Variants in ICE1 observed in about 807,000 individuals in gnomAD.
The protein encoded by ICE1 is little elongation complex subunit 1.
In ICE1, 64 loss-of-function variants were observed where a neutral mutation model predicts 192.7. The ratio of observed to expected loss-of-function variants is 0.33; its 90% CI spans 0.27 to 0.41. The LOEUF (loss-of-function observed/expected upper bound fraction) is 0.41, where lower values mean the gene tolerates loss of function less well. Among genes scored for constraint, ICE1 ranks in the 10% least tolerant of loss-of-function variants. The pLI is 1.00. For missense variants in ICE1, 2,708 were observed against 2,696.0 expected (o/e 1.00, Z -0.10); for synonymous variants, 1,010 against 984.5 (o/e 1.03, Z -0.49).
chr5:5,432,292 C>G (rs545248398), intron 1 of ICE1, among the ~76,000 whole-genome samples: 1 of 152,306 alleles, frequency 6.6e-6, no homozygotes, highest in South Asian at 2.1e-4. Flanking sequence ...TACACGTGGA[C>G]TTTTGTAACT....
intron 1 of ICE1, among the ~76,000 whole-genome samples, chr5:5,427,740 CA>C (rs1475089253): frequency 4.6e-5 from 7 of 152,130 alleles, no homozygotes; most frequent in African/African-American, 1.7e-4. Context: ...ATTCATTTGC[CA>C]AACACATTTA....
At position 5,464,186 on chromosome 5, in the gene ICE1, C is replaced by T. The variant is rs564226315; in HGVS notation, c.4852C>T (p.Pro1618Ser). 1.3e-5 allele frequency: 21 copies of T among 1,613,714 alleles called. No homozygotes were observed. Among genetic ancestry groups the T allele is most frequent in the African/African-American group, 9.3e-5 (7 of 74,964 alleles). ...TACATCCACTCCTACAGATTGTTCT[C>T]CTGACACACTGAGTAAAATACGGCA... is the stretch of plus-strand genomic sequence containing the variant. The part of the protein sequence containing the change: ...ADTSTPTDCS[P>S]DTLSKIRQEV... The change falls in exon 13 of 19, where the codon CCT becomes TCT. Residue 1618 changes from proline (P) to serine (S), a missense_variant. Pro to Ser is a moderately conservative substitution (Grantham distance 74, BLOSUM62 -1). This residue lies in a region of ICE1 where 2,366 missense variants were observed against 2,276.6 expected (regional missense o/e 1.04). Coordinates refer to ENST00000296564, the MANE Select transcript of ICE1 (RefSeq NM_015325.3). The surrounding 1 kb of genome is among the most constrained non-coding windows in gnomAD (Gnocchi z 4.0).
In ICE1 at chr5:5,461,163, CAGA is replaced by C. The variant is rs767049640; in HGVS notation, c.1833_1835del (p.Glu611del). 3.1e-6 allele frequency: 5 copies of C among 1,613,978 alleles called. No homozygotes were observed. Among genetic ancestry groups the C allele is most frequent in the Non-Finnish European group, 4.2e-6 (5 of 1,179,872 alleles). On this transcript the variant is annotated inframe_deletion, in exon 13 of 19. Coordinates refer to ENST00000296564, the MANE Select transcript of ICE1 (RefSeq NM_015325.3). Reference sequence around the variant, plus strand: ...TTCACTTTAGGAGAATCACCTGAATCAGAAGATGATGACTCAGGTGATGGAATG... The same window carrying C: ...TTCACTTTAGGAGAATCACCTGAATCAGATGATGACTCAGGTGATGGAATG...
chr5:5,442,590 A>C (rs1738082465), intron 5 of ICE1, among the ~76,000 whole-genome samples: 1 of 152,148 alleles, frequency 6.6e-6, no homozygotes, highest in African/African-American at 2.4e-5. Context: ...ATCCTGTCAA[A>C]CCCTGAGATT....
At chr5:5,440,902 CAAAAAGAAAGAAAA>C (rs1738027662) in intron 4 of ICE1, among the ~76,000 whole-genome samples, 196 bp from the exon 5 acceptor site, 1 of 138,606 alleles carries the variant, frequency 7.2e-6, no homozygotes, top group African/African-American at 2.7e-5. Flanking sequence ...CCCTGACTAA[CAAAAAGAAAGAAAA>C]GAAAAAAAAA....
At position 5,463,702 on chromosome 5, in the gene ICE1, G is replaced by A; in HGVS notation, c.4368G>A (p.Glu1456=). Residue 1456 remains glutamate (E), a synonymous_variant, in exon 13 of 19, where the codon GAG becomes GAA. Coordinates refer to ENST00000296564, the MANE Select transcript of ICE1 (RefSeq NM_015325.3). ...GDIPISQDQG[E]LEAGCIPVTS... is the part of the protein sequence containing the mutation. ...TCCCTATTTCTCAGGATCAAGGAGA[G>A]CTGGAAGCTGGTTGCATCCCAGTGA... is the stretch of plus-strand genomic sequence containing the variant. 1 of 1,613,884 alleles carries A rather than the reference G, an allele frequency of 6.2e-7. No homozygotes were observed. The highest frequency in any genetic ancestry group is 8.5e-7 in the Non-Finnish European group (1 of 1,179,860).
At chr5:5,470,119 C>T (rs149875159) in intron 15 of ICE1, among the ~76,000 whole-genome samples, 1 of 152,118 alleles carries the variant, frequency 6.6e-6, no homozygotes, top group African/African-American at 2.4e-5. Flanking sequence ...CATTACCTGC[C>T]CCAAGAGAGT....
At chr5:5,439,993 T>C in intron 4 of ICE1, 80 bp downstream of exon 4, 1 of 971,730 alleles carries the variant, frequency 1.0e-6, no homozygotes, top group Non-Finnish European at 1.5e-6. Context: ...GGAGCAGATT[T>C]TTAAGCAGCT....
Position 5,461,833 on chromosome 5 carries a change from C to G in ICE1, c.2499C>G (p.Pro833=), listed in dbSNP as rs1211832274. Residue 833 remains proline (P), a synonymous_variant, in exon 13 of 19, where the codon CCC becomes CCG. Transcript: ENST00000296564. ...TCCTACAAAATAGAGGACCAACACC[C>G]AAGCCTGATCTTCTTAGAGAAAATA... is the stretch of plus-strand genomic sequence containing the variant. ...MPFLQNRGPT[P]KPDLLRENNN... is the part of the protein sequence containing the mutation. The G allele has an allele frequency of 6.2e-7, 1 of 1,613,890 alleles. No homozygotes were observed. Among genetic ancestry groups the G allele is most frequent in the Non-Finnish European group, 8.5e-7 (1 of 1,179,898 alleles).
chr5:5,444,116 T>C (rs1461515012), intron 6 of ICE1, among the ~76,000 whole-genome samples, 173 bp from the exon 7 acceptor site: 1 of 152,174 alleles, frequency 6.6e-6, no homozygotes. Flanking sequence ...TTTAATCCAC[T>C]GTAAAGATAT....
chr5:5,429,106 C>T (rs1737618093), intron 1 of ICE1, among the ~76,000 whole-genome samples: 1 of 152,152 alleles, frequency 6.6e-6, no homozygotes, highest in African/African-American at 2.4e-5. Flanking sequence ...AGTCACACAG[C>T]ACATGCCTAA....
intron 12 of ICE1, among the ~76,000 whole-genome samples, chr5:5,459,944 T>C (rs1165853939): frequency 1.3e-5 from 2 of 152,100 alleles, no homozygotes; most frequent in African/African-American, 2.4e-5. Flanking sequence ...TGAGGACATG[T>C]TGGGGAGGAG....
chr5:5,424,707 G>A (rs1483975696), intron 1 of ICE1, among the ~76,000 whole-genome samples: 1 of 152,164 alleles, frequency 6.6e-6, no homozygotes, highest in Non-Finnish European at 1.5e-5. Context: ...AGGGAGTCCT[G>A]GAACGTTTAT....
Position 5,464,389 on chromosome 5 carries a change from A to G in ICE1, c.5055A>G (p.Pro1685=), listed in dbSNP as rs758099181. ...TGCCTCCTGCCATGTCTCCATGGCCAGAGGACCCCAGACGTGCCTCTCCTC... is the reference window on the plus strand; with the variant it reads ...TGCCTCCTGCCATGTCTCCATGGCCGGAGGACCCCAGACGTGCCTCTCCTC... ...TPVPPAMSPW[P]EDPRRASPPD... is the part of the protein sequence containing the mutation. Residue 1685 remains proline (P), a synonymous_variant, in exon 13 of 19, where the codon CCA becomes CCG. Transcript: ENST00000296564. This position sits in a 1 kb window ranked among gnomAD's most constrained non-coding sequence, Gnocchi z 4.0. The G allele has an allele frequency of 3.0e-5, 49 of 1,613,636 alleles. No homozygotes were observed. The highest frequency in any genetic ancestry group is 3.5e-5 in the Non-Finnish European group (41 of 1,179,840).
intron 13 of ICE1, 140 bp downstream of exon 13, chr5:5,465,366 G>A (rs1052736448): frequency 8.2e-6 from 5 of 612,386 alleles, no homozygotes; most frequent in Non-Finnish European, 1.4e-5. Flanking sequence ...TAAACATTAC[G>A]ACTATATTTC....
intron 2 of ICE1, among the ~76,000 whole-genome samples, chr5:5,436,873 C>T (rs1429909372): frequency 1.3e-5 from 2 of 152,128 alleles, no homozygotes; most frequent in South Asian, 2.1e-4. Context: ...AGATACTACT[C>T]AGATCTAAAG....
chr5:5,426,925 A>T (rs1340768370), intron 1 of ICE1, among the ~76,000 whole-genome samples: 1 of 152,246 alleles, frequency 6.6e-6, no homozygotes, highest in East Asian at 1.9e-4. Flanking sequence ...GATCATGCAG[A>T]GAATTTACAA....
intron 15 of ICE1, among the ~76,000 whole-genome samples, chr5:5,471,963 A>G (rs1356822802): frequency 3.3e-5 from 5 of 152,100 alleles, no homozygotes; most frequent in Admixed American, 6.5e-5. Context: ...TTAAAGTTGT[A>G]AATTTATAAA....
intron 6 of ICE1, among the ~76,000 whole-genome samples, chr5:5,443,786 C>T (rs1370392748): frequency 2.6e-5 from 4 of 152,180 alleles, no homozygotes; most frequent in African/African-American, 9.7e-5. Flanking sequence ...ATACATAAAA[C>T]AGTTGAATGT....
Sources: gnomAD v4.1 joint callset for allele counts (sites outside exome capture counted in the v4.1 genomes callset) on GRCh38, gnomAD v4.1.1 for gene constraint, gnomAD v4.1.1 regional missense constraint, Gnocchi (gnomAD v3.1) non-coding constraint, MANE v1.5 for transcripts, NCBI Gene and HGNC (gene_info 2026-07-23, HGNC 2026-07-21) for gene names.